EML4: variants seen among roughly 807,000 people sequenced by gnomAD.
EML4 encodes echinoderm microtubule-associated protein-like 4.
Under a neutral mutation model 129.0 loss-of-function variants are expected in EML4, and 72 were observed. That is an observed-to-expected ratio of 0.56 (90% CI 0.46 to 0.68). The LOEUF (loss-of-function observed/expected upper bound fraction) is 0.68. Ranked by LOEUF, EML4 falls within the 30% of genes least tolerant of loss-of-function variation. The pLI is 0.00. For synonymous variants in EML4, 532 were observed against 405.0 expected (o/e 1.31, Z -3.77); for missense variants, 1,363 against 1,190.6 (o/e 1.14, Z -2.13).
intron 1 of EML4, among the ~76,000 whole-genome samples, chr2:42,229,653 A>C (rs1021132750): frequency 2.6e-5 from 4 of 152,142 alleles, no homozygotes; most frequent in Non-Finnish European, 4.4e-5. Context: ...AGGGAAGTAA[A>C]GTAGATTTTT....
chr2:42,305,365 T>C (rs1250247825), intron 17 of EML4, among the ~76,000 whole-genome samples: 1 of 152,248 alleles, frequency 6.6e-6, no homozygotes, highest in African/African-American at 2.4e-5. Flanking sequence ...GTGGTCATTA[T>C]GGGCTTCATT....
chr2:42,270,675 A>T (rs1313057685), intron 6 of EML4, among the ~76,000 whole-genome samples: 2 of 152,190 alleles, frequency 1.3e-5, no homozygotes, highest in African/African-American at 2.4e-5. Context: ...GAGAGGGTGT[A>T]TATTGTCATT....
chr2:42,245,405 C>G, intron 1 of EML4, 100 bp from the exon 2 acceptor site: 6 of 1,189,554 alleles, frequency 5.0e-6, no homozygotes, highest in Non-Finnish European at 7.0e-6. Flanking sequence ...CAGAATTTTT[C>G]TCATCTTTTG....
At chr2:42,176,419 G>T (rs1670607836) in intron 1 of EML4, among the ~76,000 whole-genome samples, 1 of 152,118 alleles carries the variant, frequency 6.6e-6, no homozygotes, top group Non-Finnish European at 1.5e-5. Context: ...CTCTCAGATT[G>T]CTTCATTGCT....
intron 13 of EML4, among the ~76,000 whole-genome samples, chr2:42,298,053 G>A (rs556033878): frequency 6.6e-6 from 1 of 152,222 alleles, no homozygotes; most frequent in Non-Finnish European, 1.5e-5. Context: ...AAAATAATTT[G>A]TAATCTTTTA....
chr2:42,322,222 C>T (rs1160182236), intron 19 of EML4, among the ~76,000 whole-genome samples: 1 of 152,152 alleles, frequency 6.6e-6, no homozygotes, highest in Non-Finnish European at 1.5e-5. Flanking sequence ...CTGTATTTTC[C>T]AATATGGCAA....
intron 1 of EML4, among the ~76,000 whole-genome samples, chr2:42,244,018 T>A (rs933276375): frequency 4.0e-5 from 6 of 150,152 alleles, no homozygotes; most frequent in African/African-American, 1.5e-4. Flanking sequence ...AGTTAGTTAT[T>A]TCCCTGAATT....
At chr2:42,248,569 A>G (rs1457617074) in intron 2 of EML4, among the ~76,000 whole-genome samples, 1 of 152,068 alleles carries the variant, frequency 6.6e-6, no homozygotes, top group Non-Finnish European at 1.5e-5. Context: ...CTCTAAAGTG[A>G]GTCTAGGATC....
intron 18 of EML4, among the ~76,000 whole-genome samples, chr2:42,316,413 A>G (rs1332617384): frequency 6.6e-6 from 1 of 152,260 alleles, no homozygotes; most frequent in Non-Finnish European, 1.5e-5. Context: ...AGAGAATGTA[A>G]AAGAAATTAC....
At chr2:42,233,870 C>G (rs1674500957) in intron 1 of EML4, among the ~76,000 whole-genome samples, 1 of 152,132 alleles carries the variant, frequency 6.6e-6, no homozygotes, top group East Asian at 1.9e-4. Context: ...ACTTTGTATA[C>G]ACATTGTTTA....
At position 42,169,468 on chromosome 2, in the gene EML4, G is replaced by A. The variant is rs1392820535; in HGVS notation, c.-144G>A. 4.2e-6 allele frequency: 4 copies of A among 946,616 alleles called. No homozygotes were observed. The highest frequency in any genetic ancestry group is 3.5e-4 in the Middle Eastern group (1 of 2,894). The allele number at this position is 946,616 out of a possible 1,614,324, so 58.6% of individuals were successfully genotyped here. ...CGCGGCTTACTACCCCAGGGCGAAC[G>A]GACGGACGACGGAGGCGGGAGCCGG... On this transcript the variant is annotated 5_prime_UTR_variant, in exon 1 of 23. Transcript: ENST00000318522.
intron 1 of EML4, among the ~76,000 whole-genome samples, chr2:42,196,148 T>G (rs1461260612): frequency 6.6e-6 from 1 of 152,228 alleles, no homozygotes; most frequent in African/African-American, 2.4e-5. Context: ...GTGCAAATAC[T>G]TCTCTGAACC....
chr2:42,325,322 G>T (rs2103826499), intron 19 of EML4, 145 bp from the exon 20 acceptor site: 1 of 626,826 alleles, frequency 1.6e-6, no homozygotes, highest in Non-Finnish European at 3.1e-6. Flanking sequence ...CTGTGAGCCT[G>T]CTCAGTTTTA....
chr2:42,218,755 T>C (rs895112752), intron 1 of EML4, among the ~76,000 whole-genome samples: 3 of 152,258 alleles, frequency 2.0e-5, no homozygotes, highest in African/African-American at 7.2e-5. Flanking sequence ...TGCTTTACTT[T>C]GACCACAAGA....
chr2:42,267,574 G>C (rs1414121196), intron 6 of EML4, among the ~76,000 whole-genome samples: 10 of 152,192 alleles, frequency 6.6e-5, no homozygotes, highest in Non-Finnish European at 1.5e-5. Context: ...TTACCTGAAA[G>C]GCCTGTGTCC....
At chr2:42,329,484 C>T (rs987184022) in intron 22 of EML4, among the ~76,000 whole-genome samples, 2 of 152,120 alleles carry the variant, frequency 1.3e-5, no homozygotes, top group Non-Finnish European at 2.9e-5. Context: ...AGACTTTTAG[C>T]TATTTTTTTA....
chr2:42,253,732 CAAAA>C (rs1312062500), intron 2 of EML4, among the ~76,000 whole-genome samples: 1 of 151,846 alleles, frequency 6.6e-6, no homozygotes, highest in African/African-American at 2.4e-5. Context: ...AAAAAAAAGA[CAAAA>C]AACAAAAATA....
At chr2:42,315,919 A>G in intron 17 of EML4, 43 bp from the exon 18 acceptor site, 3 of 1,412,802 alleles carry the variant, frequency 2.1e-6, no homozygotes, top group Non-Finnish European at 2.9e-6. Context: ...TTTTCTATAA[A>G]TGCTAATATC....
intron 1 of EML4, among the ~76,000 whole-genome samples, chr2:42,217,282 C>T (rs972412583): frequency 6.6e-6 from 1 of 152,080 alleles, no homozygotes; most frequent in Non-Finnish European, 1.5e-5. Context: ...TCCTCCTGTA[C>T]TGAACAGGAT....
Sources: gnomAD v4.1 joint callset for allele counts (sites outside exome capture counted in the v4.1 genomes callset) on GRCh38, gnomAD v4.1.1 for gene constraint, MANE v1.5 for transcripts, NCBI Gene and HGNC (gene_info 2026-07-23, HGNC 2026-07-21) for gene names.